The following ANO10 variants were observed in gnomAD, a reference collection of about 807,000 sequenced individuals.
ANO10 encodes anoctamin-10.
ANO10 carries 77 observed loss-of-function variants against 74.7 expected under a neutral mutation model. That is an observed-to-expected ratio of 1.03 (90% CI 0.86 to 1.25). The LOEUF is 1.25. Ranked by LOEUF, ANO10 falls within the 50% of genes most tolerant of loss-of-function variation. The pLI is 0.00. For missense variants in ANO10, 721 were observed against 778.1 expected, an observed-to-expected ratio of 0.93 and a Z score of 0.87; for synonymous variants, 279 against 284.9, an observed-to-expected ratio of 0.98 and a Z score of 0.21.
chr3:43,421,513 T>A (rs1200673026), intron 12 of ANO10, among the ~76,000 whole-genome samples: 1 of 150,276 alleles, frequency 6.7e-6, no homozygotes, highest in Non-Finnish European at 1.5e-5. Context: ...CAAAGTGACA[T>A]CCTGTCTCAA....
At chr3:43,544,490 T>TA (rs903052863) in intron 11 of ANO10, among the ~76,000 whole-genome samples, 45 of 150,820 alleles carry the variant, frequency 3.0e-4, no homozygotes, top group Non-Finnish European at 3.3e-4. Flanking sequence ...AATCAAGCTT[T>TA]AAAAAAAAAT....
At chr3:43,399,670 T>C (rs768870688) in intron 12 of ANO10, among the ~76,000 whole-genome samples, 17 of 152,194 alleles carry the variant, frequency 1.1e-4, no homozygotes, top group Admixed American at 2.6e-4. Context: ...TCTGTGTACG[T>C]AGACTGCATA....
At chr3:43,408,259 T>C (rs2092610213) in intron 12 of ANO10, among the ~76,000 whole-genome samples, 13 of 152,220 alleles carry the variant, frequency 8.5e-5, no homozygotes, top group Admixed American at 8.5e-4. Flanking sequence ...TTCTTGGTCA[T>C]AGAGAGTTCT....
chr3:43,421,493 G>C (rs1261340033), intron 12 of ANO10, among the ~76,000 whole-genome samples: 1 of 151,896 alleles, frequency 6.6e-6, no homozygotes, highest in Non-Finnish European at 1.5e-5. Flanking sequence ...CTGCATTCCA[G>C]CCTGGGTGAC....
At chr3:43,566,601 T>C (rs2080364390) in intron 7 of ANO10, among the ~76,000 whole-genome samples, 1 of 152,002 alleles carries the variant, frequency 6.6e-6, no homozygotes, top group South Asian at 2.1e-4. Flanking sequence ...GGCAGGGTAT[T>C]CCAACAGACC....
rs374493898 is a variant in ANO10 at position 43,600,443 on chromosome 3, T to C, written c.278A>G (p.Asn93Ser). 3.4e-5 allele frequency: 55 copies of C among 1,614,140 alleles called. No individual in the cohort carries two copies. In the Admixed American group the frequency reaches 8.0e-4, roughly 23 times the overall value. Residue 93 changes from asparagine (N) to serine (S), a missense_variant, in exon 3 of 13, where the codon AAT becomes AGT. Transcript: ENST00000292246. ...AEAVGLVKEC[N>S]DNTMRAFTYR... ...TGTGAAGGCTCTCATGGTGTTATCA[T>C]TGCACTCTTTTACCAATCCCACTGC... is the stretch of plus-strand genomic sequence containing the variant.
At chr3:43,637,689 G>A (rs76913156) in intron 1 of ANO10, 2 of 151,636 alleles carry the variant, frequency 1.3e-5, no homozygotes, top group Admixed American at 1.3e-4. Context: ...GTACAGAAAT[G>A]AAGAATGATG....
At chr3:43,521,542 GA>G (rs2077958052) in intron 11 of ANO10, among the ~76,000 whole-genome samples, 1 of 152,126 alleles carries the variant, frequency 6.6e-6, no homozygotes, top group African/African-American at 2.4e-5. Context: ...CATATGAAAA[GA>G]TGCTCAACAT....
At chr3:43,548,883 G>A (rs1465941025) in intron 11 of ANO10, among the ~76,000 whole-genome samples, 1 of 152,158 alleles carries the variant, frequency 6.6e-6, no homozygotes, top group Non-Finnish European at 1.5e-5. Context: ...CGTAAAAAGA[G>A]CACAGACAGC....
chr3:43,622,512 C>G (rs1172209234), upstream of ANO10, among the ~76,000 whole-genome samples: 1 of 152,244 alleles, frequency 6.6e-6, no homozygotes, highest in African/African-American at 2.4e-5. Flanking sequence ...AAGAACAAGT[C>G]TCATTTTAAC....
At chr3:43,566,667 A>G (rs2080367844) in intron 7 of ANO10, among the ~76,000 whole-genome samples, 2 of 152,216 alleles carry the variant, frequency 1.3e-5, no homozygotes, top group Admixed American at 6.5e-5. Flanking sequence ...AAGGACATCC[A>G]CACCAAAAAC....
chr3:43,467,016 G>A (rs1190729075), intron 11 of ANO10, among the ~76,000 whole-genome samples: 2 of 152,012 alleles, frequency 1.3e-5, no homozygotes. Flanking sequence ...TAGTTGCCAG[G>A]GAAATGCAAA....
At chr3:43,485,911 A>C (rs1321808621) in intron 11 of ANO10, 4 of 243,016 alleles carry the variant, frequency 1.6e-5, no homozygotes. Flanking sequence ...CGCCACCCGC[A>C]AAAGGTACAG....
intron 11 of ANO10, among the ~76,000 whole-genome samples, chr3:43,460,412 C>T (rs1486850982): frequency 6.6e-6 from 1 of 152,208 alleles, no homozygotes; most frequent in Non-Finnish European, 1.5e-5. Flanking sequence ...CAAAATAGAT[C>T]TTTACTAAAC....
rs183107109 is a variant in ANO10 at position 43,478,800 on chromosome 3, G to C, written c.1798-46073C>G. Among the ~76,000 whole-genome samples, 31 of 152,238 alleles carry C rather than the reference G, an allele frequency of 2.0e-4. No individual in the cohort carries two copies. In the East Asian group the frequency reaches 6.0e-3, roughly 29 times the overall value. ...TAAATTGACTGTGATCAAACATTTGGCAAAAGCTTGAGAAGTCAAATAGTT... is the reference window on the plus strand; with the variant it reads ...TAAATTGACTGTGATCAAACATTTGCCAAAAGCTTGAGAAGTCAAATAGTT... On this transcript the variant is annotated intron_variant, in intron 11 of 12. Transcript: ENST00000292246.
In ANO10 at chr3:43,521,533, A is replaced by C. The variant is rs138805825; in HGVS notation, c.1797+28187T>G. The stretch of plus-strand genomic sequence containing the variant: ...ATGATATAGTTGAGATGCTCCAGAC[A>C]TATGAAAAGATGCTCAACATCAGTA... On this transcript the variant is annotated intron_variant, in intron 11 of 12. Coordinates refer to ENST00000292246, the MANE Select transcript of ANO10 (RefSeq NM_018075.5). Among the ~76,000 whole-genome samples the C allele has an allele frequency of 4.7e-3, 720 of 152,342 alleles. 5 individuals carry two copies. Among genetic ancestry groups the C allele is most frequent in the African/African-American group, 0.017 (692 of 41,586 alleles).
intron 4 of ANO10, among the ~76,000 whole-genome samples, chr3:43,595,229 T>C (rs914562354): frequency 2.6e-5 from 4 of 151,968 alleles, no homozygotes; most frequent in East Asian, 3.8e-4. Context: ...TTCCAATCAA[T>C]AGAAAAAGAG....
At chr3:43,398,704 T>G (rs754989786) in intron 12 of ANO10, among the ~76,000 whole-genome samples, 2 of 152,246 alleles carry the variant, frequency 1.3e-5, no homozygotes, top group Non-Finnish European at 2.9e-5. Context: ...CAGTTGAGTG[T>G]GGGCATTGGA....
chr3:43,463,846 G>A (rs981794447), intron 11 of ANO10, among the ~76,000 whole-genome samples: 24 of 152,148 alleles, frequency 1.6e-4, no homozygotes, highest in Admixed American at 9.8e-4. Flanking sequence ...AGAATGATAT[G>A]GTTTGGCTGT....
Sources: gnomAD v4.1 joint callset for allele counts (sites outside exome capture counted in the v4.1 genomes callset) on GRCh38, gnomAD v4.1.1 for gene constraint, MANE v1.5 for transcripts, NCBI Gene and HGNC (gene_info 2026-07-23, HGNC 2026-07-21) for gene names.